ERI1: variants seen among roughly 807,000 people sequenced by gnomAD.
ERI1 encodes exoribonuclease 1, also known as 3'-5' exoribonuclease 1.
ERI1 carries 39 observed loss-of-function variants against 39.7 expected under a neutral mutation model. That is an observed-to-expected ratio of 0.98 (90% confidence interval 0.76 to 1.28). The LOEUF is 1.28. Among genes scored for constraint, ERI1 ranks in the 50% most tolerant of loss-of-function variants. The pLI, the probability that ERI1 is intolerant of heterozygous loss-of-function variation, is 0.00. For synonymous variants in ERI1, 204 were observed against 149.6 expected, an observed-to-expected ratio of 1.36 and a Z score of -2.65; for missense variants, 581 against 416.9, an observed-to-expected ratio of 1.39 and a Z score of -3.43.
At position 9,005,407 on chromosome 8, in the gene ERI1, G is replaced by T. The variant is rs1456174264; in HGVS notation, c.108+2236G>T. 2.0e-5 allele frequency among the ~76,000 whole-genome samples: 3 copies of T among 151,080 alleles called. No individual in the cohort carries two copies. The South Asian group carries it at 6.3e-4, about 32-fold the overall frequency. On this transcript the variant is annotated intron_variant, in intron 1 of 6. Coordinates refer to ENST00000250263, the MANE Select transcript of ERI1 (RefSeq NM_153332.4). ...CCTTTAAAAAAATGCTAAAAATCAA[G>T]CTCCGGTACCCTTCCCAATAAGAAG...
Position 9,008,143 on chromosome 8 carries a change from A to C in ERI1, c.282A>C (p.Glu94Asp). Residue 94 changes from glutamate (E) to aspartate (D), a missense_variant, in exon 2 of 7, where the codon GAA (glutamate) becomes GAC (aspartate). By Grantham distance (45) the Glu-to-Asp change is conservative. Coordinates refer to ENST00000250263, the MANE Select transcript of ERI1 (RefSeq NM_153332.4). Reference sequence around the variant, plus strand: ...CTAAGCTTTCAGAATTCAAGCTTGAAACTAGGTAATTAAAAATAACTTATA... The same window carrying C: ...CTAAGCTTTCAGAATTCAAGCTTGACACTAGGTAATTAAAAATAACTTATA... ...LRAKLSEFKL[E>D]TRGVKDVLKK... The C allele has an allele frequency of 6.4e-7, 1 of 1,573,832 alleles. No homozygotes were observed. Among genetic ancestry groups the C allele is most frequent in the East Asian group, 2.3e-5 (1 of 44,360 alleles).
chr8:9,037,797 C>A (rs982888312), downstream of ERI1, among the ~76,000 whole-genome samples: 1 of 151,658 alleles, frequency 6.6e-6, no homozygotes, highest in African/African-American at 2.4e-5. Flanking sequence ...AATGTTTAAT[C>A]CCTGTCTATG....
chr8:9,090,163 G>C (rs1799660931), intron 3 of ERI1, among the ~76,000 whole-genome samples: 2 of 152,076 alleles, frequency 1.3e-5, no homozygotes, highest in Non-Finnish European at 2.9e-5. Flanking sequence ...CCTTATCCAA[G>C]GACCCAGGAC....
At chr8:9,004,388 T>C (rs1585176370) in intron 1 of ERI1, 2 of 726,898 alleles carry the variant, frequency 2.8e-6, no homozygotes, top group South Asian at 6.1e-5. Context: ...TCTTGACACT[T>C]TTACAGCTAC....
At chr8:9,097,541 C>A (rs142929336) in intron 3 of ERI1, among the ~76,000 whole-genome samples, 2 of 151,904 alleles carry the variant, frequency 1.3e-5, no homozygotes, top group South Asian at 2.1e-4. Flanking sequence ...CGGTGGCGTG[C>A]GCCTGTAGTC....
At chr8:9,053,984 A>G (rs1259932985) in intron 3 of ERI1, among the ~76,000 whole-genome samples, 1 of 152,184 alleles carries the variant, frequency 6.6e-6, no homozygotes, top group African/African-American at 2.4e-5. Context: ...TGTCTGTGAT[A>G]GGGGGGTAAA....
chr8:9,052,757 G>A (rs1265801654), intron 3 of ERI1, among the ~76,000 whole-genome samples: 1 of 152,202 alleles, frequency 6.6e-6, no homozygotes, highest in East Asian at 1.9e-4. Flanking sequence ...GAGCATCAAA[G>A]ACCCTTGGAA....
chr8:9,061,368 A>G (rs1393066860), intron 3 of ERI1, among the ~76,000 whole-genome samples: 8 of 152,188 alleles, frequency 5.3e-5, no homozygotes, highest in African/African-American at 1.7e-4. Flanking sequence ...AGACTCAACA[A>G]AGAGTGAGTA....
At chr8:9,060,637 G>T (rs1798662082) in intron 3 of ERI1, among the ~76,000 whole-genome samples, 1 of 152,156 alleles carries the variant, frequency 6.6e-6, no homozygotes, top group Non-Finnish European at 1.5e-5. Flanking sequence ...GCTGGAAGGA[G>T]ATATTTTCCT....
chr8:9,093,134 G>A (rs1482183554), intron 3 of ERI1, among the ~76,000 whole-genome samples: 6 of 152,124 alleles, frequency 3.9e-5, no homozygotes, highest in Non-Finnish European at 5.9e-5. Flanking sequence ...TAAAGACCAG[G>A]TCTCCAAACA....
intron 3 of ERI1, among the ~76,000 whole-genome samples, chr8:9,082,014 C>A (rs1181646908): frequency 2.0e-5 from 3 of 152,166 alleles, no homozygotes; most frequent in African/African-American, 7.2e-5. Flanking sequence ...CTGCAGCCAA[C>A]TTTTAAAGTC....
chr8:9,035,691 C>G (rs1797821096), downstream of ERI1, among the ~76,000 whole-genome samples: 1 of 152,218 alleles, frequency 6.6e-6, no homozygotes, highest in Non-Finnish European at 1.5e-5. Context: ...CATTCCACAG[C>G]CCATGGATCA....
At chr8:9,040,651 A>T (rs559294959) in intron 3 of ERI1, among the ~76,000 whole-genome samples, 1 of 150,918 alleles carries the variant, frequency 6.6e-6, no homozygotes, top group African/African-American at 2.4e-5. Flanking sequence ...CCACATGAAG[A>T]CCTCTGGTCC....
intron 3 of ERI1, 79 bp from the exon 4 acceptor site, chr8:9,016,243 G>A: frequency 2.6e-6 from 2 of 760,592 alleles, no homozygotes; most frequent in Admixed American, 5.1e-5. Flanking sequence ...GCAACCTGCT[G>A]TGATGAATTC....
chr8:9,045,539 G>A (rs969153440), intron 3 of ERI1, among the ~76,000 whole-genome samples: 1 of 152,082 alleles, frequency 6.6e-6, no homozygotes, highest in Non-Finnish European at 1.5e-5. Context: ...GCTCATGCCT[G>A]TAATCTCAGC....
chr8:9,018,862 C>G (rs939806749), intron 5 of ERI1, among the ~76,000 whole-genome samples: 1 of 152,138 alleles, frequency 6.6e-6, no homozygotes, highest in African/African-American at 2.4e-5. Flanking sequence ...AGTGTCTTCT[C>G]GACAACTTTA....
At chr8:9,019,181 G>C (rs913177274) in intron 5 of ERI1, among the ~76,000 whole-genome samples, 5 of 152,170 alleles carry the variant, frequency 3.3e-5, no homozygotes, top group African/African-American at 1.2e-4. Context: ...TTAAAACATA[G>C]ATGACAGACG....
At chr8:9,092,786 C>G (rs1306338053) in intron 3 of ERI1, among the ~76,000 whole-genome samples, 2 of 152,182 alleles carry the variant, frequency 1.3e-5, no homozygotes, top group South Asian at 4.1e-4. Context: ...ACTGCCATAA[C>G]AAAGTAACAG....
intron 4 of ERI1, 113 bp downstream of exon 4, chr8:9,016,518 C>G: frequency 2.2e-6 from 1 of 463,138 alleles, no homozygotes. Flanking sequence ...TAATACCTTG[C>G]TTGGTAAAGA....
Sources: gnomAD v4.1 joint callset for allele counts (sites outside exome capture counted in the v4.1 genomes callset) on GRCh38, gnomAD v4.1.1 for gene constraint, MANE v1.5 for transcripts, NCBI Gene and HGNC (gene_info 2026-07-23, HGNC 2026-07-21) for gene names.